The following CACNA1C variants were observed in gnomAD, a reference collection of about 807,000 sequenced individuals.
CACNA1C encodes voltage-dependent L-type calcium channel subunit alpha-1C.
Under a neutral mutation model 229.0 loss-of-function variants are expected in CACNA1C, and 30 were observed. The observed-to-expected ratio is 0.13, with a 90% CI of 0.10 to 0.18. The LOEUF is 0.18. Among genes scored for constraint, CACNA1C ranks in the 10% least tolerant of loss-of-function variants. The probability of loss-of-function intolerance (pLI) is 1.00; values close to 1 mark genes in which losing one functional copy is unlikely to be tolerated. For synonymous variants in CACNA1C, 1,114 were observed against 1,132.5 expected (o/e 0.98, Z 0.33); for missense variants, 1,658 against 2,845.0 (o/e 0.58, Z 9.49).
intron 1 of CACNA1C, among the ~76,000 whole-genome samples, chr12:2,081,436 T>C (rs1290691628): frequency 6.6e-6 from 1 of 152,094 alleles, no homozygotes; most frequent in Non-Finnish European, 1.5e-5. Context: ...CCGAGCATAT[T>C]GGCGGGCGCC....
At chr12:1,983,669 C>G (rs945699870) in intron 1 of CACNA1C, among the ~76,000 whole-genome samples, 4 of 151,956 alleles carry the variant, frequency 2.6e-5, no homozygotes, top group Non-Finnish European at 5.9e-5. Context: ...GAATGTTTCA[C>G]GTGCACTTGA....
At chr12:2,581,465 G>A (rs1296537329) in intron 13 of CACNA1C, 125 bp from the exon 14 acceptor site, 19 of 834,260 alleles carry the variant, frequency 2.3e-5, no homozygotes, top group Non-Finnish European at 3.1e-5. Context: ...ATCCCCCACG[G>A]GCAGGGAAAA....
At chr12:1,988,185 C>T (rs1252380787) in intron 1 of CACNA1C, among the ~76,000 whole-genome samples, 2 of 152,150 alleles carry the variant, frequency 1.3e-5, no homozygotes, top group Non-Finnish European at 2.9e-5. Flanking sequence ...TACAATGACA[C>T]AGGTTTATTT....
intron 1 of CACNA1C, among the ~76,000 whole-genome samples, chr12:2,028,976 C>A (rs1239991736): frequency 6.6e-6 from 1 of 152,120 alleles, no homozygotes; most frequent in Non-Finnish European, 1.5e-5. Context: ...CTGAGGATGA[C>A]CGTGGTCATG....
At chr12:2,255,095 G>A (rs1407297783) in intron 3 of CACNA1C, among the ~76,000 whole-genome samples, 1 of 152,098 alleles carries the variant, frequency 6.6e-6, no homozygotes. Flanking sequence ...TAGAGCTTGG[G>A]TACCCTCCCT....
At chr12:2,291,068 C>T (rs1229143247) in intron 3 of CACNA1C, among the ~76,000 whole-genome samples, 1 of 152,188 alleles carries the variant, frequency 6.6e-6, no homozygotes, top group African/African-American at 2.4e-5. Context: ...TTGCTGAGTC[C>T]TAGCTCCTTT....
intron 3 of CACNA1C, among the ~76,000 whole-genome samples, chr12:2,332,689 T>A (rs182340301): frequency 1.2e-4 from 19 of 152,340 alleles, no homozygotes; most frequent in Admixed American, 1.2e-3. Flanking sequence ...TACCATGGAA[T>A]AGGATGTGCC....
intron 3 of CACNA1C, among the ~76,000 whole-genome samples, chr12:2,254,431 C>T (rs2076634811): frequency 6.6e-6 from 1 of 152,168 alleles, no homozygotes; most frequent in Admixed American, 6.5e-5. Flanking sequence ...TGGCTGTGAA[C>T]TCTGTAACCC....
In CACNA1C at chr12:2,275,475, C is replaced by T. The variant is rs568235398; in HGVS notation, c.477+155045C>T. On this transcript the variant is annotated intron_variant, in intron 3 of 46. Transcript: ENST00000399655. The surrounding 1 kb of genome is among the most constrained non-coding windows in gnomAD (Gnocchi z 4.1). Reference sequence around the variant, plus strand: ...TGCATGTGACCTAGCTCTCTCCTGGCCCCCTGTTCCATCCCACATGCAGCC... The same window carrying T: ...TGCATGTGACCTAGCTCTCTCCTGGTCCCCTGTTCCATCCCACATGCAGCC... Among the ~76,000 whole-genome samples, 34 of 152,224 alleles carry T rather than the reference C, an allele frequency of 2.2e-4. No homozygotes were observed. Among genetic ancestry groups the T allele is most frequent in the South Asian group, 8.3e-4 (4 of 4,806 alleles).
chr12:2,183,594 T>G (rs2096906983), intron 3 of CACNA1C, among the ~76,000 whole-genome samples: 1 of 151,614 alleles, frequency 6.6e-6, no homozygotes, highest in Non-Finnish European at 1.5e-5. Context: ...CCGGCTTTCA[T>G]CAGAATGTCA....
At chr12:2,141,715 T>C (rs895750003) in intron 3 of CACNA1C, among the ~76,000 whole-genome samples, 1 of 151,384 alleles carries the variant, frequency 6.6e-6, no homozygotes, top group Non-Finnish European at 1.5e-5. Context: ...CCTCTGGCCC[T>C]GGGTAGACTT....
intron 5 of CACNA1C, among the ~76,000 whole-genome samples, chr12:2,458,276 A>G (rs563729054): frequency 3.7e-4 from 57 of 152,322 alleles, no homozygotes; most frequent in African/African-American, 1.2e-3. Context: ...AGAGGAGGAT[A>G]TTCCGCTCTC....
At chr12:2,570,904 C>A (rs1382124834) in intron 13 of CACNA1C, among the ~76,000 whole-genome samples, 1 of 152,204 alleles carries the variant, frequency 6.6e-6, no homozygotes, top group Non-Finnish European at 1.5e-5. Context: ...CCCTCTCTGA[C>A]CCCATCGAAA....
chr12:2,337,682 C>T lies in CACNA1C; in HGVS notation c.478-111294C>T, dbSNP rs376566285. Among the ~76,000 whole-genome samples, 423 of 152,298 alleles carry T rather than the reference C, an allele frequency of 2.8e-3. 3 individuals carry two copies. The highest frequency in any genetic ancestry group is 9.6e-3 in the African/African-American group (398 of 41,554). ...TATAGCACTCTACAGTTTAACAAAG[C>T]ACTTTAAATGCACCCAGCCCCTTTG... is the stretch of plus-strand genomic sequence containing the variant. On this transcript the variant is annotated intron_variant, in intron 3 of 46. Coordinates refer to ENST00000399655, the MANE Select transcript of CACNA1C (RefSeq NM_000719.7).
At chr12:2,690,381 G>A (rs1355822826) in intron 46 of CACNA1C, among the ~76,000 whole-genome samples, 1 of 152,234 alleles carries the variant, frequency 6.6e-6, no homozygotes, top group Non-Finnish European at 1.5e-5. Context: ...CCAGGCTGGA[G>A]TGTAGTGGTA....
chr12:2,277,392 C>G (rs1190920487), intron 3 of CACNA1C, among the ~76,000 whole-genome samples: 2 of 137,688 alleles, frequency 1.5e-5, no homozygotes, highest in Non-Finnish European at 3.3e-5. Context: ...CACACACACA[C>G]ACACACACAC....
chr12:2,544,988 G>A (rs1482452657), intron 9 of CACNA1C, among the ~76,000 whole-genome samples: 1 of 152,194 alleles, frequency 6.6e-6, no homozygotes, highest in Non-Finnish European at 1.5e-5. Flanking sequence ...GATTCAGAAA[G>A]CTGTAGTGAA....
chr12:2,310,342 TAAAA>T (rs1262171750), intron 3 of CACNA1C, among the ~76,000 whole-genome samples: 4 of 144,254 alleles, frequency 2.8e-5, no homozygotes, highest in African/African-American at 1.1e-4. Context: ...GCCTCCCAGT[TAAAA>T]AAAAAAATAT....
chr12:2,281,969 C>CT (rs1172926748), intron 3 of CACNA1C, among the ~76,000 whole-genome samples: 1 of 151,630 alleles, frequency 6.6e-6, no homozygotes, highest in Non-Finnish European at 1.5e-5. Context: ...TTATTTAATT[C>CT]TTTTTTTTCT....
Sources: gnomAD v4.1 joint callset for allele counts (sites outside exome capture counted in the v4.1 genomes callset) on GRCh38, gnomAD v4.1.1 for gene constraint, Gnocchi (gnomAD v3.1) non-coding constraint, MANE v1.5 for transcripts, NCBI Gene and HGNC (gene_info 2026-07-23, HGNC 2026-07-21) for gene names.